Variants in XIRP2 observed in about 807,000 individuals in gnomAD.
XIRP2 encodes the protein xin actin-binding repeat-containing protein 2.
XIRP2 carries 236 observed loss-of-function variants against 277.0 expected under a neutral mutation model. The observed-to-expected ratio is 0.85, with a 90% confidence interval of 0.77 to 0.95. The LOEUF is 0.95. Ranked by LOEUF, XIRP2 falls within the 40% of genes least tolerant of loss-of-function variation. The probability of loss-of-function intolerance (pLI) is 0.00; values close to 1 mark genes in which losing one functional copy is unlikely to be tolerated. For synonymous variants in XIRP2, 1,490 were observed against 1,416.5 expected, an observed-to-expected ratio of 1.05 and a Z score of -1.17; for missense variants, 4,640 against 4,157.5, an observed-to-expected ratio of 1.12 and a Z score of -3.19.
intron 2 of XIRP2, among the ~76,000 whole-genome samples, chr2:166,906,731 A>G (rs1684534870): frequency 6.6e-6 from 1 of 152,082 alleles, no homozygotes; most frequent in Admixed American, 6.6e-5. Flanking sequence ...CTGAGGCAGG[A>G]GAATCACTTG....
chr2:167,106,963 T>C (rs1410973152), intron 2 of XIRP2, among the ~76,000 whole-genome samples: 1 of 151,144 alleles, frequency 6.6e-6, no homozygotes. Flanking sequence ...AATATTCACA[T>C]GTTTATTGTT....
intron 3 of XIRP2, among the ~76,000 whole-genome samples, chr2:167,166,880 A>G (rs976000092): frequency 6.6e-6 from 1 of 152,208 alleles, no homozygotes; most frequent in South Asian, 2.1e-4. Flanking sequence ...GTTGGATTCA[A>G]CTATGTTCTT....
intron 2 of XIRP2, among the ~76,000 whole-genome samples, chr2:166,912,035 T>C (rs1287119069): frequency 6.6e-6 from 1 of 152,242 alleles, no homozygotes; most frequent in Non-Finnish European, 1.5e-5. Flanking sequence ...CTGTCTGCCC[T>C]TAACATTTTT....
chr2:167,101,685 CT>C (rs1200306372), intron 2 of XIRP2, among the ~76,000 whole-genome samples: 3 of 152,052 alleles, frequency 2.0e-5, no homozygotes, highest in African/African-American at 7.2e-5. Context: ...TACATATATA[CT>C]TTTATATGCT....
intron 2 of XIRP2, among the ~76,000 whole-genome samples, chr2:167,071,445 C>A (rs1574224916): frequency 6.6e-6 from 1 of 152,122 alleles, no homozygotes; most frequent in Non-Finnish European, 1.5e-5. Flanking sequence ...CCGGAACAAG[C>A]CTGCCAAGAC....
In XIRP2 at chr2:167,069,756, A is replaced by G. The variant is rs565161067; in HGVS notation, c.409-66153A>G. Among the ~76,000 whole-genome samples, 10 of 152,278 alleles carry G rather than the reference A, an allele frequency of 6.6e-5. No individual in the cohort carries two copies. The East Asian group carries it at 1.9e-3, about 29-fold the overall frequency. Reference sequence around the variant, plus strand: ...TATACCCCTGGGATAAGCACACAAAAGCCAGCTAACCTCTCTAGGTTTATT... The same window carrying G: ...TATACCCCTGGGATAAGCACACAAAGGCCAGCTAACCTCTCTAGGTTTATT... On this transcript the variant is annotated intron_variant, in intron 2 of 10. Coordinates refer to ENST00000409195, the MANE Select transcript of XIRP2 (RefSeq NM_152381.6).
At chr2:167,152,271 C>G (rs1364053797) in intron 3 of XIRP2, among the ~76,000 whole-genome samples, 1 of 152,080 alleles carries the variant, frequency 6.6e-6, no homozygotes, top group Non-Finnish European at 1.5e-5. Flanking sequence ...AAAAGAAGAA[C>G]AGCATCCTTT....
chr2:166,994,448 G>A (rs1359123430), intron 2 of XIRP2, among the ~76,000 whole-genome samples: 1 of 128,996 alleles, frequency 7.8e-6, no homozygotes, highest in African/African-American at 3.0e-5. Flanking sequence ...TGCACAATGT[G>A]CACATGTACC....
At chr2:166,922,743 G>T (rs993079018) in intron 2 of XIRP2, among the ~76,000 whole-genome samples, 1 of 150,132 alleles carries the variant, frequency 6.7e-6, no homozygotes, top group Non-Finnish European at 1.5e-5. Flanking sequence ...GCAACAGAGC[G>T]AGACTCCATC....
chr2:166,907,069 T>A (rs909243716), intron 2 of XIRP2, among the ~76,000 whole-genome samples: 1 of 152,166 alleles, frequency 6.6e-6, no homozygotes, highest in East Asian at 1.9e-4. Flanking sequence ...CTTAAAATAA[T>A]TTTTTCATTT....
chr2:167,120,948 G>A (rs759885556), intron 2 of XIRP2, among the ~76,000 whole-genome samples: 13 of 152,024 alleles, frequency 8.6e-5, no homozygotes, highest in Non-Finnish European at 1.5e-4. Flanking sequence ...AATATCTTTG[G>A]GGTAGCTACC....
At chr2:166,893,976 T>A (rs1481722659) in intron 1 of XIRP2, among the ~76,000 whole-genome samples, 1 of 152,128 alleles carries the variant, frequency 6.6e-6, no homozygotes, top group East Asian at 1.9e-4. Context: ...GGATTTTCAG[T>A]GGAACAGGGA....
intron 2 of XIRP2, among the ~76,000 whole-genome samples, chr2:167,119,018 A>G (rs1690975862): frequency 6.6e-6 from 1 of 152,188 alleles, no homozygotes; most frequent in South Asian, 2.1e-4. Flanking sequence ...AAACTGAGAT[A>G]TGTTCATTGA....
At chr2:167,036,886 C>T (rs1688520572) in intron 2 of XIRP2, among the ~76,000 whole-genome samples, 1 of 152,118 alleles carries the variant, frequency 6.6e-6, no homozygotes, top group South Asian at 2.1e-4. Flanking sequence ...TCTTATGAGA[C>T]CTGATGGGTT....
At chr2:167,087,334 T>G (rs1423101062) in intron 2 of XIRP2, among the ~76,000 whole-genome samples, 3 of 152,166 alleles carry the variant, frequency 2.0e-5, no homozygotes. Context: ...GGAGAACCAC[T>G]GCTCTCTTCA....
rs1367489930 is a variant in XIRP2 at position 167,118,796 on chromosome 2, G to C, written c.409-17113G>C. On this transcript the variant is annotated intron_variant, in intron 2 of 10. Transcript: ENST00000409195. ...ACGGCACCACAAACAAACAAAGACA[G>C]AGGTTATGAATGTATAGATGGAAGT... Among the ~76,000 whole-genome samples, 2 of 152,140 alleles carry C rather than the reference G, an allele frequency of 1.3e-5. 1 individual carries two copies. The highest frequency in any genetic ancestry group is 3.9e-4 in the East Asian group (2 of 5,182).
intron 3 of XIRP2, among the ~76,000 whole-genome samples, chr2:167,184,909 T>G (rs1693114127): frequency 6.6e-6 from 1 of 152,180 alleles, no homozygotes; most frequent in Non-Finnish European, 1.5e-5. Flanking sequence ...AATTTGAATG[T>G]ACTAAGTTTT....
chr2:167,192,683 C>T (rs1273406543), intron 3 of XIRP2, among the ~76,000 whole-genome samples: 1 of 152,122 alleles, frequency 6.6e-6, no homozygotes, highest in East Asian at 1.9e-4. Flanking sequence ...AATCCACCAC[C>T]TCTGCTTCTG....
Position 167,242,890 on chromosome 2 carries a change from C to T in XIRP2, c.1498C>T (p.Arg500Cys), listed in dbSNP as rs375603641. Residue 500 changes from arginine (R) to cysteine (C), a missense_variant, in exon 9 of 11, where the codon CGT (arginine) becomes TGT (cysteine). Coordinates refer to ENST00000409195, the MANE Select transcript of XIRP2 (RefSeq NM_152381.6). Reference protein sequence around the residue: ...SKQRNLYELNRLYKHIHPELR... With the variant: ...SKQRNLYELNCLYKHIHPELR... ...GCAAAGAAATTTGTATGAATTAAAC[C>T]GTTTATATAAACACATCCATCCTGA... The T allele has an allele frequency of 9.9e-5, 159 of 1,613,918 alleles. No individual in the cohort carries two copies. The highest frequency in any genetic ancestry group is 3.5e-4 in the South Asian group (32 of 91,056).
Sources: gnomAD v4.1 joint callset for allele counts (sites outside exome capture counted in the v4.1 genomes callset) on GRCh38, gnomAD v4.1.1 for gene constraint, MANE v1.5 for transcripts, NCBI Gene and HGNC (gene_info 2026-07-23, HGNC 2026-07-21) for gene names.